The following NRXN1 variants were observed in gnomAD, a reference collection of about 807,000 sequenced individuals.
NRXN1 encodes the protein neurexin 1.
Under a neutral mutation model 150.9 loss-of-function variants are expected in NRXN1, and 39 were observed. The observed-to-expected ratio is 0.26, with a 90% CI of 0.20 to 0.34. The LOEUF (loss-of-function observed/expected upper bound fraction) is 0.34. Among genes scored for constraint, NRXN1 ranks in the 10% least tolerant of loss-of-function variants. NRXN1 has a pLI of 1.00. For synonymous variants in NRXN1, 924 were observed against 757.0 expected, an observed-to-expected ratio of 1.22 and a Z score of -3.62; for missense variants, 1,815 against 1,949.9, an observed-to-expected ratio of 0.93 and a Z score of 1.30.
At chr2:50,672,001 T>G in intron 5 of NRXN1, among the ~76,000 whole-genome samples, 1 of 151,938 alleles carries the variant, frequency 6.6e-6, no homozygotes, top group Non-Finnish European at 1.5e-5. Context: ...ACTTTTTAAA[T>G]ATTCAACTTG....
intron 5 of NRXN1, among the ~76,000 whole-genome samples, chr2:50,646,708 C>CTTTTTTT (rs552231598): frequency 1.3e-4 from 14 of 107,388 alleles, no homozygotes; most frequent in Middle Eastern, 6.2e-3. Context: ...TTCATGTTGT[C>CTTTTTTT]TTTTTTTTTT....
chr2:50,165,375 G>A (rs1006178208), intron 18 of NRXN1, among the ~76,000 whole-genome samples: 1 of 152,136 alleles, frequency 6.6e-6, no homozygotes, highest in South Asian at 2.1e-4. Context: ...TTTAGACACA[G>A]TCTCACTCTG....
chr2:50,234,895 G>A (rs1226648684), intron 18 of NRXN1, among the ~76,000 whole-genome samples: 3 of 152,018 alleles, frequency 2.0e-5, no homozygotes, highest in African/African-American at 7.2e-5. Flanking sequence ...ACGCTAGAAT[G>A]GACGCCGAGA....
At chr2:50,657,519 G>T (rs545978009) in intron 5 of NRXN1, among the ~76,000 whole-genome samples, 1 of 152,030 alleles carries the variant, frequency 6.6e-6, no homozygotes, top group African/African-American at 2.4e-5. Context: ...GTATACCCAG[G>T]GCCCAGAATG....
At chr2:50,238,431 C>T (rs909565002) in intron 17 of NRXN1, among the ~76,000 whole-genome samples, 2 of 151,830 alleles carry the variant, frequency 1.3e-5, no homozygotes, top group Non-Finnish European at 2.9e-5. Context: ...TTGCAGACAG[C>T]AGATCATATA....
chr2:50,425,918 AC>A (rs901170120), intron 17 of NRXN1, among the ~76,000 whole-genome samples: 9 of 152,130 alleles, frequency 5.9e-5, no homozygotes, highest in African/African-American at 2.2e-4. Flanking sequence ...AATACAGGCT[AC>A]TAAAGAGGAG....
At chr2:49,997,023 C>T (rs1222426592) in intron 21 of NRXN1, among the ~76,000 whole-genome samples, 1 of 151,962 alleles carries the variant, frequency 6.6e-6, no homozygotes, top group African/African-American at 2.4e-5. Context: ...CTGTCTGCTT[C>T]GTTTGAGTTA....
At chr2:50,844,880 G>A (rs1673407459) in intron 5 of NRXN1, among the ~76,000 whole-genome samples, 1 of 151,720 alleles carries the variant, frequency 6.6e-6, no homozygotes, top group African/African-American at 2.4e-5. Context: ...TTGAAGCAGA[G>A]GCTTATTCTG....
chr2:50,531,529 C>T, intron 10 of NRXN1, 99 bp from the exon 11 acceptor site: 1 of 862,070 alleles, frequency 1.2e-6, no homozygotes. Context: ...TTTAAGACTT[C>T]CAGAACACAA....
intron 5 of NRXN1, among the ~76,000 whole-genome samples, chr2:50,888,582 G>T (rs1245318552): frequency 6.6e-6 from 1 of 151,292 alleles, no homozygotes; most frequent in African/African-American, 2.4e-5. Flanking sequence ...CTGCCTTACT[G>T]TCTTCATTCC....
intron 2 of NRXN1, among the ~76,000 whole-genome samples, chr2:50,942,859 G>A (rs550185207): frequency 6.6e-6 from 1 of 152,276 alleles, no homozygotes; most frequent in African/African-American, 2.4e-5. Flanking sequence ...AGGCATGATT[G>A]GTTTTGAAAT....
At position 50,606,606 on chromosome 2, in the gene NRXN1, C is replaced by CAATAATAATAATAATAAT. The variant is rs3053107; in HGVS notation, c.1320+13398_1320+13415dup. Among the ~76,000 whole-genome samples the CAATAATAATAATAATAAT allele has an allele frequency of 5.1e-3, 745 of 146,956 alleles. 4 individuals are homozygous for CAATAATAATAATAATAAT. The highest frequency in any genetic ancestry group is 0.011 in the Middle Eastern group (3 of 276). ...GTAGATCCTATGTGAGCTGCTCATA[C>CAATAATAATAATAATAAT]AATAATAATAATAATAATAATAATA... is the stretch of plus-strand genomic sequence containing the variant. On this transcript the variant is annotated intron_variant, in intron 8 of 22. Coordinates refer to ENST00000401669, the MANE Select transcript of NRXN1 (RefSeq NM_001330078.2).
chr2:50,080,267 A>C (rs1423054597), intron 19 of NRXN1, among the ~76,000 whole-genome samples: 18 of 152,084 alleles, frequency 1.2e-4, no homozygotes, highest in Admixed American at 1.2e-3. Context: ...TATTGTTACG[A>C]TTGTTCTATT....
At chr2:50,637,959 T>G (rs973350675) in intron 5 of NRXN1, among the ~76,000 whole-genome samples, 2 of 152,178 alleles carry the variant, frequency 1.3e-5, no homozygotes, top group Non-Finnish European at 2.9e-5. Context: ...GATCTTAGGA[T>G]CCAAGGTAAA....
intron 5 of NRXN1, among the ~76,000 whole-genome samples, chr2:50,825,727 G>T (rs1351967622): frequency 6.6e-6 from 1 of 152,218 alleles, no homozygotes; most frequent in Non-Finnish European, 1.5e-5. Context: ...ACCCAAGGAT[G>T]GGGTCTACAG....
chr2:50,189,351 C>A (rs955338015), intron 18 of NRXN1, among the ~76,000 whole-genome samples: 4 of 151,818 alleles, frequency 2.6e-5, no homozygotes, highest in African/African-American at 9.7e-5. Flanking sequence ...GAATATCACA[C>A]ACCTGAGCCT....
At chr2:50,431,955 T>G (rs1342659047) in intron 17 of NRXN1, among the ~76,000 whole-genome samples, 1 of 152,226 alleles carries the variant, frequency 6.6e-6, no homozygotes, top group Non-Finnish European at 1.5e-5. Context: ...TGCCAGGTGC[T>G]TCACAAGCAT....
intron 5 of NRXN1, among the ~76,000 whole-genome samples, chr2:50,719,520 C>A (rs1696342563): frequency 6.6e-6 from 1 of 151,700 alleles, no homozygotes; most frequent in Non-Finnish European, 1.5e-5. Flanking sequence ...ACTAAAAATA[C>A]AAAAAATTAG....
intron 18 of NRXN1, among the ~76,000 whole-genome samples, chr2:50,101,661 A>G (rs11125287): frequency 0.23 from 34,449 of 151,952 alleles, 4,136 homozygotes; most frequent in African/African-American, 0.3. Context: ...GTGAAAACAT[A>G]TCAAGAGATT....
Sources: allele counts gnomAD v4.1 joint callset (sites outside exome capture counted in the v4.1 genomes callset), GRCh38; gene constraint gnomAD v4.1.1; transcripts MANE v1.5; gene names NCBI Gene and HGNC (gene_info 2026-07-23, HGNC 2026-07-21).